DACH2: variants seen among roughly 807,000 people sequenced by gnomAD.
The protein encoded by DACH2 is dachshund homolog 2.
In DACH2, 17 loss-of-function variants were observed where a neutral mutation model predicts 35.8. That is an observed-to-expected ratio of 0.48 (90% CI 0.33 to 0.71). DACH2 has a LOEUF of 0.71. DACH2 is among the 30% of genes least tolerant of loss of function. The pLI, the probability that DACH2 is intolerant of heterozygous loss-of-function variation, is 0.02. For missense variants in DACH2, 469 were observed against 472.7 expected, an observed-to-expected ratio of 0.99 and a Z score of 0.07; for synonymous variants, 195 against 177.3, an observed-to-expected ratio of 1.10 and a Z score of -0.79.
intron 4 of DACH2, among the ~76,000 whole-genome samples, chrX:86,660,255 A>G (rs753922644): frequency 3.6e-5 from 4 of 110,428 alleles, no homozygotes; most frequent in Non-Finnish European, 7.6e-5. Flanking sequence ...AATTATATCT[A>G]TTGCTTCCCC....
At chrX:86,244,775 A>G (rs778400682) in intron 1 of DACH2, among the ~76,000 whole-genome samples, 1 of 112,346 alleles carries the variant, frequency 8.9e-6, no homozygotes, top group South Asian at 3.7e-4. Context: ...AAGTTTTTCA[A>G]ATTTATAATA....
At chrX:86,810,577 G>A (rs1478291051) in intron 7 of DACH2, among the ~76,000 whole-genome samples, 3 of 111,546 alleles carry the variant, frequency 2.7e-5, no homozygotes, top group African/African-American at 9.8e-5. Flanking sequence ...TCATTATAAA[G>A]TCATTCCATC....
chrX:86,256,802 T>C (rs1357814275), intron 1 of DACH2, among the ~76,000 whole-genome samples: 2 of 111,696 alleles, frequency 1.8e-5, no homozygotes, highest in Non-Finnish European at 3.8e-5. Flanking sequence ...ACTGCCTATT[T>C]AAGGTATGAG....
At chrX:86,441,110 G>T (rs1210304116) in intron 2 of DACH2, among the ~76,000 whole-genome samples, 1 of 111,446 alleles carries the variant, frequency 9.0e-6, no homozygotes, top group Non-Finnish European at 1.9e-5. Context: ...GGGTGCATGA[G>T]ATATTTTGAT....
chrX:86,331,352 G>C (rs193037269), intron 1 of DACH2, among the ~76,000 whole-genome samples: 24 of 111,113 alleles, frequency 2.2e-4, no homozygotes, highest in African/African-American at 7.8e-4. Flanking sequence ...TAAAATAACA[G>C]CAGGGTCACT....
At chrX:86,583,904 T>G (rs2039535183) in intron 3 of DACH2, among the ~76,000 whole-genome samples, 1 of 110,105 alleles carries the variant, frequency 9.1e-6, no homozygotes, top group South Asian at 3.8e-4. Context: ...ACACTATCAT[T>G]TTCTGGTTTG....
chrX:86,633,640 C>G (rs1161761105), intron 3 of DACH2, among the ~76,000 whole-genome samples: 1 of 111,443 alleles, frequency 9.0e-6, no homozygotes, highest in Non-Finnish European at 1.9e-5. Context: ...CGAAGACAGA[C>G]AAGCACACAA....
chrX:86,533,006 G>A (rs2038745160), intron 3 of DACH2, among the ~76,000 whole-genome samples: 1 of 108,562 alleles, frequency 9.2e-6, no homozygotes, highest in Admixed American at 9.7e-5. Flanking sequence ...CATTTGACTA[G>A]CAATGGACAA....
chrX:86,614,521 G>T, intron 3 of DACH2, among the ~76,000 whole-genome samples: 1 of 111,567 alleles, frequency 9.0e-6, no homozygotes. Context: ...CATTTTGCAG[G>T]TGAGGAAATC....
chrX:86,372,183 A>G (rs894248033), intron 1 of DACH2, among the ~76,000 whole-genome samples: 2 of 111,342 alleles, frequency 1.8e-5, no homozygotes, highest in African/African-American at 6.5e-5. Flanking sequence ...TGTTTATCTG[A>G]TGCAACTTGC....
At chrX:86,751,080 T>C (rs1185825994) in intron 7 of DACH2, among the ~76,000 whole-genome samples, 1 of 111,411 alleles carries the variant, frequency 9.0e-6, no homozygotes, top group Non-Finnish European at 1.9e-5. Flanking sequence ...TGCACAAGGT[T>C]CTAGTTTATC....
chrX:86,221,331 G>T (rs2032705954), intron 1 of DACH2, among the ~76,000 whole-genome samples: 1 of 111,662 alleles, frequency 9.0e-6, no homozygotes, highest in African/African-American at 3.3e-5. Context: ...TTTCCCTACT[G>T]TGTATTCTTA....
chrX:86,441,566 T>C (rs1485061930), intron 2 of DACH2, among the ~76,000 whole-genome samples: 1 of 108,301 alleles, frequency 9.2e-6, no homozygotes, highest in Non-Finnish European at 1.9e-5. Context: ...CACAAGTTGA[T>C]TCCATGTCTT....
At chrX:86,688,742 T>C (rs1371372720) in intron 4 of DACH2, among the ~76,000 whole-genome samples, 1 of 111,949 alleles carries the variant, frequency 8.9e-6, no homozygotes, top group Non-Finnish European at 1.9e-5. Flanking sequence ...TGTAGATACC[T>C]GTGTTTTAAA....
chrX:86,403,602 T>C (rs2036473383), intron 2 of DACH2, among the ~76,000 whole-genome samples: 1 of 111,840 alleles, frequency 8.9e-6, no homozygotes, highest in African/African-American at 3.3e-5. Flanking sequence ...GGAATGTAAA[T>C]CAGTTCAGCC....
chrX:86,159,256 A>G (rs1287035978), intron 1 of DACH2, among the ~76,000 whole-genome samples: 5 of 111,587 alleles, frequency 4.5e-5, no homozygotes, highest in African/African-American at 1.6e-4. Flanking sequence ...ATTAAAACAG[A>G]GATGAGAGTT....
intron 2 of DACH2, among the ~76,000 whole-genome samples, chrX:86,439,326 A>T (rs1050856744): frequency 5.4e-5 from 6 of 111,745 alleles, no homozygotes; most frequent in African/African-American, 1.6e-4. Flanking sequence ...ATAGTTTGCA[A>T]ATATTTTCTC....
intron 1 of DACH2, among the ~76,000 whole-genome samples, chrX:86,329,772 C>T (rs1356817855): frequency 1.8e-5 from 2 of 111,211 alleles, no homozygotes; most frequent in Admixed American, 9.6e-5. Context: ...TGACGATAGC[C>T]TATCAACAGC....
At chrX:86,216,381 C>G (rs2032572703) in intron 1 of DACH2, among the ~76,000 whole-genome samples, 1 of 106,681 alleles carries the variant, frequency 9.4e-6, no homozygotes, top group South Asian at 4.4e-4. Flanking sequence ...CAAACAGGCC[C>G]CGGTGTGTGA....
Sources: gnomAD v4.1 joint callset for allele counts (sites outside exome capture counted in the v4.1 genomes callset) on GRCh38, gnomAD v4.1.1 for gene constraint, MANE v1.5 for transcripts, NCBI Gene and HGNC (gene_info 2026-07-23, HGNC 2026-07-21) for gene names.